Variants in SUCLG1 observed in about 807,000 individuals in gnomAD.
SUCLG1 encodes succinate-CoA ligase GDP/ADP-forming subunit alpha.
In SUCLG1, 26 loss-of-function variants were observed where a neutral mutation model predicts 37.3. That is an observed-to-expected ratio of 0.70 (90% CI 0.51 to 0.97). The LOEUF (loss-of-function observed/expected upper bound fraction) is 0.97, where lower values mean the gene tolerates loss of function less well. SUCLG1 is among the 50% of genes least tolerant of loss of function. The pLI, the probability that SUCLG1 is intolerant of heterozygous loss-of-function variation, is 0.00. For missense variants in SUCLG1, 433 were observed against 432.9 expected, an observed-to-expected ratio of 1.00 and a Z score of 0.00; for synonymous variants, 163 against 155.6, an observed-to-expected ratio of 1.05 and a Z score of -0.36.
Position 84,449,512 on chromosome 2 carries a change from G to A in SUCLG1, c.201+137C>T. 9.9e-6 allele frequency: 6 copies of A among 607,962 alleles called. No individual in the cohort carries two copies. The South Asian group carries it at 1.6e-4, about 16-fold the overall frequency. 37.7% of individuals were successfully genotyped at this position (607,962 alleles called of 1,614,324 possible). ...TGACAATAGCAACTAACCTCCTCCT[G>A]AGATACAACCCCATTGCTGTACAGT... On this transcript the variant is annotated intron_variant, in intron 2 of 8. Coordinates refer to ENST00000393868, the MANE Select transcript of SUCLG1 (RefSeq NM_003849.4).
At chr2:84,433,252 A>G in intron 6 of SUCLG1, 100 bp downstream of exon 6, 1 of 1,012,660 alleles carries the variant, frequency 9.9e-7, no homozygotes, top group Non-Finnish European at 1.5e-6. Context: ...TCATAAGAGT[A>G]TCAAAATCTT....
At chr2:84,449,005 A>G in intron 2 of SUCLG1, 1 of 350,782 alleles carries the variant, frequency 2.9e-6, no homozygotes, top group South Asian at 2.4e-5. Context: ...ATTTTATTAT[A>G]GAATTGCATC....
In SUCLG1 at chr2:84,433,373, A is replaced by G. The variant is rs776610464; in HGVS notation, c.652T>C (p.Leu218=). ...TCACCAACGCACAAAGACTGCCCCA[A>G]TCCAACTTGCGTTGTTTGGTGAACT... The part of the protein sequence containing the change: ...EAVHQTTQVG[L]GQSLCVGIGG... The change falls in exon 6 of 9, where the codon TTG becomes CTG. Residue 218 remains leucine (L), a synonymous_variant. Transcript: ENST00000393868. The G allele has an allele frequency of 8.1e-6, 13 of 1,613,884 alleles. No individual in the cohort carries two copies. The highest frequency in any genetic ancestry group is 2.7e-5 in the African/African-American group (2 of 74,944).
In SUCLG1 at chr2:84,423,756, T is replaced by C. The variant is rs1250907266; in HGVS notation, c.1031A>G (p.Lys344Arg). The change falls in exon 9 of 9, where the codon AAG becomes AGG. Residue 344 changes from lysine (K) to arginine (R), a missense_variant. By Grantham distance (26) the Lys-to-Arg change is conservative (BLOSUM62 2). Coordinates refer to ENST00000393868, the MANE Select transcript of SUCLG1 (RefSeq NM_003849.4). Reference protein sequence around the residue: ...TTIYKEFEKRKML With the variant: ...TTIYKEFEKRRML ...AATTTTTTTTTTCTTTCATAGCATC[T>C]TCCTCTTTTCAAATTCCTTCAGAAA... 3 of 1,606,056 alleles carry C rather than the reference T, an allele frequency of 1.9e-6. No homozygotes were observed. The highest frequency in any genetic ancestry group is 2.6e-6 in the Non-Finnish European group (3 of 1,175,118).
chr2:84,454,757 C>T (rs1018840986), intron 1 of SUCLG1, among the ~76,000 whole-genome samples: 4 of 152,154 alleles, frequency 2.6e-5, no homozygotes, highest in Admixed American at 6.5e-5. Context: ...GTCCTCTTTA[C>T]CACAGATAGT....
chr2:84,440,396 C>G (rs1196726424), intron 5 of SUCLG1, among the ~76,000 whole-genome samples: 1 of 152,058 alleles, frequency 6.6e-6, no homozygotes, highest in African/African-American at 2.4e-5. Flanking sequence ...CTAACAATAC[C>G]AAATCTTTGT....
chr2:84,445,809 G>A (rs901947957), intron 2 of SUCLG1, among the ~76,000 whole-genome samples: 8 of 152,246 alleles, frequency 5.3e-5, no homozygotes, highest in East Asian at 3.9e-4. Context: ...ACAGCAGCCC[G>A]AGTGATCTGG....
intron 7 of SUCLG1, among the ~76,000 whole-genome samples, chr2:84,427,608 A>G (rs1672553487): frequency 6.6e-6 from 1 of 152,250 alleles, no homozygotes; most frequent in African/African-American, 2.4e-5. Context: ...CAAATTTTCT[A>G]AAATTTTAAA....
chr2:84,448,079 T>G (rs182156617), intron 2 of SUCLG1, among the ~76,000 whole-genome samples: 2 of 150,660 alleles, frequency 1.3e-5, no homozygotes, highest in Admixed American at 6.6e-5. Flanking sequence ...GTTTCATTTT[T>G]TGATATTGGA....
intron 1 of SUCLG1, among the ~76,000 whole-genome samples, chr2:84,453,137 T>C (rs908731242): frequency 3.9e-5 from 6 of 151,920 alleles, no homozygotes; most frequent in African/African-American, 1.5e-4. Flanking sequence ...AAAGCAATAA[T>C]ACAAATTGAA....
intron 1 of SUCLG1, among the ~76,000 whole-genome samples, chr2:84,457,203 T>C (rs1184287654): frequency 2.0e-5 from 3 of 152,152 alleles, no homozygotes; most frequent in Admixed American, 1.3e-4. Context: ...TGCAAGGTGA[T>C]GTTGTAGCTG....
chr2:84,439,908 C>A (rs1358532106), intron 5 of SUCLG1, among the ~76,000 whole-genome samples: 1 of 152,178 alleles, frequency 6.6e-6, no homozygotes, highest in Non-Finnish European at 1.5e-5. Context: ...AAGGTGCCTA[C>A]AAACCTAAAA....
At chr2:84,423,868 T>C (rs1392368314) in intron 8 of SUCLG1, 96 bp from the exon 9 acceptor site, 3 of 1,277,298 alleles carry the variant, frequency 2.3e-6, no homozygotes, top group East Asian at 2.4e-5. Context: ...AAACCTATTA[T>C]CTTTAGGATC....
chr2:84,438,879 C>T (rs1054243257), intron 5 of SUCLG1, among the ~76,000 whole-genome samples: 1 of 152,160 alleles, frequency 6.6e-6, no homozygotes, highest in Non-Finnish European at 1.5e-5. Flanking sequence ...CACCAATCAG[C>T]GCTCTGTAGC....
intron 7 of SUCLG1, among the ~76,000 whole-genome samples, chr2:84,428,883 A>T (rs1450752381): frequency 1.3e-5 from 2 of 152,232 alleles, no homozygotes; most frequent in Admixed American, 1.3e-4. Flanking sequence ...TGGAGAAGTC[A>T]GACAAACCTG....
At chr2:84,434,314 C>G (rs549246627) in intron 5 of SUCLG1, among the ~76,000 whole-genome samples, 54 of 152,174 alleles carry the variant, frequency 3.5e-4, no homozygotes, top group African/African-American at 1.3e-3. Flanking sequence ...TGATTTTCAA[C>G]CAATATATAG....
chr2:84,456,678 TTCTGAGACAGAGTCTCAC>T (rs1673024775), intron 1 of SUCLG1, among the ~76,000 whole-genome samples: 2 of 152,128 alleles, frequency 1.3e-5, no homozygotes, highest in Non-Finnish European at 2.9e-5. Context: ...TTTTCTCTTT[TTCTGAGACAGAGTCTCAC>T]TCTGTTGCCC....
intron 5 of SUCLG1, among the ~76,000 whole-genome samples, chr2:84,438,030 T>C (rs900955000): frequency 9.9e-5 from 15 of 152,056 alleles, no homozygotes; most frequent in African/African-American, 3.6e-4. Flanking sequence ...AATTGGAGAG[T>C]AGATTACTGG....
chr2:84,433,285 T>C (rs751776993), intron 6 of SUCLG1, 67 bp downstream of exon 6: 1 of 1,256,916 alleles, frequency 8.0e-7, no homozygotes, highest in East Asian at 2.4e-5. Flanking sequence ...AAATCAATAA[T>C]TATTATTATA....
Sources: gnomAD v4.1 joint callset for allele counts (sites outside exome capture counted in the v4.1 genomes callset) on GRCh38, gnomAD v4.1.1 for gene constraint, MANE v1.5 for transcripts, NCBI Gene and HGNC (gene_info 2026-07-23, HGNC 2026-07-21) for gene names.